NLRP14: variants seen among roughly 807,000 people sequenced by gnomAD.
NLRP14 encodes NLR family pyrin domain containing 14, also known as NACHT, LRR and PYD domains-containing protein 14.
In NLRP14, 105 loss-of-function variants were observed where a neutral mutation model predicts 94.7. The ratio of observed to expected loss-of-function variants is 1.11; its 90% CI spans 0.95 to 1.30. The LOEUF is 1.30. NLRP14 is among the 50% of genes most tolerant of loss of function. The probability of loss-of-function intolerance (pLI) is 0.00; values close to 1 mark genes in which losing one functional copy is unlikely to be tolerated. For missense variants in NLRP14, 1,362 were observed against 1,254.1 expected, an observed-to-expected ratio of 1.09 and a Z score of -1.30; for synonymous variants, 508 against 459.9, an observed-to-expected ratio of 1.10 and a Z score of -1.34.
the NLRP14 span, among the ~76,000 whole-genome samples, chr11:7,088,671 TTTAAC>T: frequency 9.5e-6 from 1 of 105,122 alleles, no homozygotes; most frequent in Non-Finnish European, 2.0e-5. Flanking sequence ...AAAAATGATT[TTTAAC>T]TTAATAATTT....
At chr11:7,084,850 C>T in the NLRP14 span, among the ~76,000 whole-genome samples, 318 of 152,260 alleles carry the variant, frequency 2.1e-3, 2 homozygotes, top group South Asian at 3.5e-3. Flanking sequence ...TCTGGGGATC[C>T]ACTTCTTGTG....
rs565128413 is a variant in NLRP14 at position 7,038,734 on chromosome 11, G to T, written c.148G>T (p.Val50Leu). The change falls in exon 2 of 12, where the codon GTG (valine) becomes TTG (leucine). Residue 50 changes from valine (V) to leucine (L), a missense_variant. Physicochemically the swap from Val to Leu is conservative, Grantham distance 32. Transcript: ENST00000299481. ...GCATGGCCTGACACCCTGGAATGAA[G>T]TGAAGAAGGCCAGGCGGGAGGACCT... ...PEHGLTPWNEVKKARREDLAN... is the reference protein window; with the variant it reads ...PEHGLTPWNELKKARREDLAN... 41 of 1,614,132 alleles carry T rather than the reference G, an allele frequency of 2.5e-5. No homozygotes were observed. The South Asian group carries it at 3.7e-4, about 15-fold the overall frequency.
rs1462472524 is a variant in NLRP14, at chr11:7,038,777, A to C, written c.191A>C (p.Lys64Thr). The change falls in exon 2 of 12, where the codon AAA becomes ACA. Residue 64 changes from lysine to threonine, a missense_variant. Coordinates refer to ENST00000299481, the MANE Select transcript of NLRP14 (RefSeq NM_176822.4). ...GAGGACCTGGCCAATTTGATGAAGA[A>C]ATATTATCCAGGAGAGAAAGCCTGG... ...RREDLANLMKKYYPGEKAWSV... is the reference protein window; with the variant it reads ...RREDLANLMKTYYPGEKAWSV... 1 of 1,613,394 alleles carries C rather than the reference A, an allele frequency of 6.2e-7. No individual in the cohort carries two copies. Among genetic ancestry groups the C allele is most frequent in the South Asian group, 1.1e-5 (1 of 90,866 alleles).
chr11:7,064,964 A>G (rs1301199615), intron 10 of NLRP14, among the ~76,000 whole-genome samples: 1 of 151,910 alleles, frequency 6.6e-6, no homozygotes. Flanking sequence ...TGTAATTCCC[A>G]GTTCTAACAA....
chr11:7,085,284 C>T, the NLRP14 span, among the ~76,000 whole-genome samples: 1 of 152,154 alleles, frequency 6.6e-6, no homozygotes, highest in Non-Finnish European at 1.5e-5. Flanking sequence ...ACCATCTTAG[C>T]CAGTTTAGTA....
the NLRP14 span, among the ~76,000 whole-genome samples, chr11:7,078,645 G>A: frequency 2.0e-5 from 3 of 151,766 alleles, no homozygotes; most frequent in Non-Finnish European, 2.9e-5. Context: ...CAAAAGAGCC[G>A]GGCATGGTGG....
chr11:7,046,653 A>G lies in NLRP14; in HGVS notation c.1959-15A>G, dbSNP rs745397881. 3.4e-5 allele frequency: 55 copies of G among 1,610,360 alleles called. No individual in the cohort carries two copies. Among genetic ancestry groups the G allele is most frequent in the Non-Finnish European group, 4.5e-5 (53 of 1,176,832 alleles). ...AATCAGCATTGTTTTTCTTTTCTCA[A>G]TTATTTATGCAAAGGGATGGTGATC... is the stretch of plus-strand genomic sequence containing the variant. On this transcript the variant is annotated splice_polypyrimidine_tract_variant and intron_variant, in intron 4 of 11. Transcript: ENST00000299481.
the NLRP14 span, among the ~76,000 whole-genome samples, chr11:7,085,620 G>A: frequency 2.6e-5 from 4 of 152,092 alleles, no homozygotes; most frequent in Admixed American, 6.6e-5. Flanking sequence ...CAGTATTTAC[G>A]GGGAATTGGT....
At chr11:7,034,162 A>G (rs1852131741) in intron 1 of NLRP14, among the ~76,000 whole-genome samples, 3 of 152,206 alleles carry the variant, frequency 2.0e-5, no homozygotes, top group African/African-American at 7.2e-5. Context: ...CAGTATTTGG[A>G]AATCTTCTCT....
At chr11:7,073,455 C>G (rs1049888279), downstream of NLRP14, among the ~76,000 whole-genome samples, 1 of 152,214 alleles carries the variant, frequency 6.6e-6, no homozygotes, top group African/African-American at 2.4e-5. Context: ...CCAACACCAG[C>G]TGGGTGTCCT....
intron 4 of NLRP14, 31 bp downstream of exon 4, chr11:7,044,015 G>T: frequency 1.2e-6 from 2 of 1,605,604 alleles, no homozygotes. Context: ...CCCTGGAAGT[G>T]CCCTGTAAGG....
At chr11:7,070,487 A>G (rs1443263971) in intron 11 of NLRP14, 31 bp downstream of exon 11, 8 of 1,523,168 alleles carry the variant, frequency 5.3e-6, no homozygotes, top group South Asian at 1.1e-5. Flanking sequence ...CAGGGGGAGC[A>G]TTTCCTATAA....
chr11:7,046,588 C>G, intron 4 of NLRP14, 80 bp from the exon 5 acceptor site: 5 of 1,337,616 alleles, frequency 3.7e-6, no homozygotes, highest in Non-Finnish European at 5.4e-6. Context: ...CTTACTTTTA[C>G]TCCAATACTA....
At chr11:7,041,034 G>GT (rs1852240826) in intron 3 of NLRP14, among the ~76,000 whole-genome samples, 1 of 152,094 alleles carries the variant, frequency 6.6e-6, no homozygotes, top group Non-Finnish European at 1.5e-5. Flanking sequence ...GGAAAATACT[G>GT]TAAGTACAAA....
downstream of NLRP14, among the ~76,000 whole-genome samples, chr11:7,072,082 C>T (rs1040030102): frequency 5.3e-5 from 8 of 152,144 alleles, no homozygotes; most frequent in Admixed American, 2.6e-4. Flanking sequence ...ATTTATTGAT[C>T]GTGTAACAAA....
At chr11:7,037,485 A>C (rs1434743063) in intron 1 of NLRP14, among the ~76,000 whole-genome samples, 1 of 152,204 alleles carries the variant, frequency 6.6e-6, no homozygotes, top group Non-Finnish European at 1.5e-5. Context: ...ATTTTAGTGA[A>C]AGATCTAAGT....
the NLRP14 span, among the ~76,000 whole-genome samples, chr11:7,081,991 A>G: frequency 2.0e-5 from 3 of 152,164 alleles, no homozygotes; most frequent in South Asian, 2.1e-4. Context: ...GGCCCCCACC[A>G]TGAATCACAT....
At chr11:7,087,883 G>A in the NLRP14 span, among the ~76,000 whole-genome samples, 12 of 152,172 alleles carry the variant, frequency 7.9e-5, no homozygotes, top group African/African-American at 1.9e-4. Context: ...AGGTTTTTAC[G>A]AATAAGGAGG....
At chr11:7,046,587 A>T in intron 4 of NLRP14, 81 bp from the exon 5 acceptor site, 2 of 1,320,520 alleles carry the variant, frequency 1.5e-6, no homozygotes, top group Non-Finnish European at 2.2e-6. Context: ...ACTTACTTTT[A>T]CTCCAATACT....
Sources: allele counts gnomAD v4.1 joint callset (sites outside exome capture counted in the v4.1 genomes callset), GRCh38; gene constraint gnomAD v4.1.1; transcripts MANE v1.5; gene names NCBI Gene and HGNC (gene_info 2026-07-23, HGNC 2026-07-21).